The following BCL2L12 variants were observed in gnomAD, a reference collection of about 807,000 sequenced individuals.
The protein encoded by BCL2L12 is BCL2 like 12, also known as bcl-2-like protein 12.
In BCL2L12, 27 loss-of-function variants were observed where a neutral mutation model predicts 25.7. That is an observed-to-expected ratio of 1.05 (90% CI 0.78 to 1.45). The LOEUF (loss-of-function observed/expected upper bound fraction) is 1.45. BCL2L12 is among the 40% of genes most tolerant of loss of function. The pLI is 0.00. For synonymous variants in BCL2L12, 132 were observed against 145.6 expected, an observed-to-expected ratio of 0.91 and a Z score of 0.67; for missense variants, 302 against 329.8, an observed-to-expected ratio of 0.92 and a Z score of 0.65.
In BCL2L12 at chr19:49,670,407, C is replaced by T; in HGVS notation, c.621C>T (p.Ala207=). ...ALAMELSRRV[A]GLGGTLAGLS... is the part of the protein sequence containing the mutation. ...CCATGGAGCTGAGCCGGCGCGTGGC[C>T]GGGCTGGGGGGCACCCTGGCCGGAC... is the stretch of plus-strand genomic sequence containing the variant. Residue 207 remains alanine, a synonymous_variant, in exon 6 of 7, where the codon GCC becomes GCT. Coordinates refer to ENST00000246784, the MANE Select transcript of BCL2L12 (RefSeq NM_138639.2). 13 of 1,546,188 alleles carry T rather than the reference C, an allele frequency of 8.4e-6. No individual in the cohort carries two copies. Among genetic ancestry groups the T allele is most frequent in the Non-Finnish European group, 1.1e-5 (13 of 1,149,660 alleles).
At chr19:49,670,193 A>G (rs1392022624) in intron 5 of BCL2L12, 23 bp from the exon 6 acceptor site, 15 of 1,595,480 alleles carry the variant, frequency 9.4e-6, no homozygotes, top group African/African-American at 2.7e-5. Context: ...GCTGACGCGG[A>G]CCCTGCCTCT....
At chr19:49,666,860 C>T in intron 2 of BCL2L12, 61 bp downstream of exon 2, 1 of 1,521,800 alleles carries the variant, frequency 6.6e-7, no homozygotes, top group Non-Finnish European at 8.9e-7. Context: ...CTAACTCTTG[C>T]TCCTGGTCTC....
At chr19:49,665,622 C>T, upstream of BCL2L12, 5 of 643,574 alleles carry the variant, frequency 7.8e-6, no homozygotes, top group East Asian at 2.8e-5. Flanking sequence ...CCGGGCTCTT[C>T]CGCGTTACCT....
At chr19:49,668,812 AAT>A in intron 3 of BCL2L12, 37 bp from the exon 4 acceptor site, 1 of 1,569,702 alleles carries the variant, frequency 6.4e-7, no homozygotes, top group East Asian at 2.3e-5. Flanking sequence ...GTAAGTTTCC[AAT>A]GTCCTGGAAA....
At chr19:49,665,684 G>A (rs998053490), upstream of BCL2L12, 10 of 1,198,436 alleles carry the variant, frequency 8.3e-6, no homozygotes, top group Non-Finnish European at 1.2e-5. Flanking sequence ...CTGTCTTGGA[G>A]CTCCGGGTAG....
At chr19:49,670,614 C>A in intron 6 of BCL2L12, 126 bp downstream of exon 6, 1 of 1,297,528 alleles carries the variant, frequency 7.7e-7, no homozygotes, top group Non-Finnish European at 1.0e-6. Context: ...TGCGTTCGTT[C>A]TGTTGAGCCC....
chr19:49,665,859 C>T (rs148875442), upstream of BCL2L12: 2 of 1,608,714 alleles, frequency 1.2e-6, no homozygotes, highest in Non-Finnish European at 1.7e-6. Context: ...CGCCCCTATG[C>T]CCTTTTTTGG....
chr19:49,668,968 G>A, intron 4 of BCL2L12, 31 bp downstream of exon 4: 2 of 1,613,942 alleles, frequency 1.2e-6, no homozygotes, highest in Non-Finnish European at 8.5e-7. Flanking sequence ...AGAGAAGGAT[G>A]GCGGTGGGAG....
rs1409860335 is a variant in BCL2L12 at position 49,669,072 on chromosome 19, T to C, written c.386T>C (p.Leu129Pro). The C allele has an allele frequency of 6.2e-7, 1 of 1,614,030 alleles. No individual in the cohort carries two copies. Among genetic ancestry groups the C allele is most frequent in the African/African-American group, 1.3e-5 (1 of 74,928 alleles). The change falls in exon 5 of 7, where the codon CTG becomes CCG. Residue 129 changes from leucine to proline, a missense_variant. Physicochemically the swap from Leu to Pro is moderately conservative, Grantham distance 98. Transcript: ENST00000246784. The part of the protein sequence containing the change: ...STEKEAILRR[L>P]VALLEEEAEV... Reference sequence around the variant, plus strand: ...GAGAAGGAAGCCATACTGCGGAGGCTGGTGGCCCTGCTGGAGGAGGAGGCA... The same window carrying C: ...GAGAAGGAAGCCATACTGCGGAGGCCGGTGGCCCTGCTGGAGGAGGAGGCA...
chr19:49,670,607 G>A (rs2122860822), intron 6 of BCL2L12, 119 bp downstream of exon 6: 1 of 1,346,400 alleles, frequency 7.4e-7, no homozygotes, highest in East Asian at 2.5e-5. Flanking sequence ...GCTCCACTGC[G>A]TTCGTTCTGT....
rs1052207246 is a variant in BCL2L12 at position 49,672,157 on chromosome 19, G to A, written c.703-1541G>A. 2 of 152,404 alleles carry A rather than the reference G, an allele frequency of 1.3e-5. No individual in the cohort carries two copies. Among genetic ancestry groups the A allele is most frequent in the African/African-American group, 4.8e-5 (2 of 41,430 alleles). The allele number at this position is 152,404 out of a possible 1,614,324, so 9.4% of individuals were successfully genotyped here. ...TCCAGCGTGCTGGCCCTGTGGCTTGGCGACTGTCGCAGTCTCCCTGAGCGG... is the reference window on the plus strand; with the variant it reads ...TCCAGCGTGCTGGCCCTGTGGCTTGACGACTGTCGCAGTCTCCCTGAGCGG... On this transcript the variant is annotated intron_variant, in intron 6 of 6. Transcript: ENST00000246784. This position sits in a 1 kb window ranked among gnomAD's most constrained non-coding sequence, Gnocchi z 4.1.
In BCL2L12 at chr19:49,672,937, G is replaced by C. The variant is rs924488915; in HGVS notation, c.703-761G>C. 4.6e-5 allele frequency among the ~76,000 whole-genome samples: 7 copies of C among 152,134 alleles called. No homozygotes were observed. The highest frequency in any genetic ancestry group is 1.7e-4 in the African/African-American group (7 of 41,410). On this transcript the variant is annotated intron_variant, in intron 6 of 6. Coordinates refer to ENST00000246784, the MANE Select transcript of BCL2L12 (RefSeq NM_138639.2). The surrounding 1 kb of genome is among the most constrained non-coding windows in gnomAD (Gnocchi z 4.1). ...GACTGGAGTGCAGTGGCACGACCTT[G>C]GCTCACTGCAACCTCCACCTCCTGG...
At chr19:49,666,883 C>T (rs2081797166) in intron 2 of BCL2L12, 84 bp downstream of exon 2, 4 of 1,513,582 alleles carry the variant, frequency 2.6e-6, no homozygotes, top group South Asian at 2.5e-5. Context: ...TCTGTCTCCT[C>T]TCTTTATATC....
chr19:49,668,815 G>A (rs1215204670), intron 3 of BCL2L12, 36 bp from the exon 4 acceptor site: 2 of 1,577,452 alleles, frequency 1.3e-6, no homozygotes, highest in South Asian at 1.1e-5. Context: ...AGTTTCCAAT[G>A]TCCTGGAAAC....
chr19:49,667,102 C>T lies in BCL2L12; in HGVS notation c.191C>T (p.Pro64Leu), dbSNP rs1568474665. 6.2e-7 allele frequency: 1 copy of T among 1,614,050 alleles called. No homozygotes were observed. Among genetic ancestry groups the T allele is most frequent in the Non-Finnish European group, 8.5e-7 (1 of 1,180,014 alleles). ...LPCSLGRGAAPSESPRPCSLP... is the reference protein window; with the variant it reads ...LPCSLGRGAALSESPRPCSLP... ...TGCTCCCTGGGGCGAGGAGCAGCCC[C>T]CTCTGAGTCCCCTCGGCCTTGCTCT... Residue 64 changes from proline (P) to leucine (L), a missense_variant, in exon 3 of 7, where the codon CCC becomes CTC. Physicochemically the swap from Pro to Leu is moderately conservative, Grantham distance 98. Coordinates refer to ENST00000246784, the MANE Select transcript of BCL2L12 (RefSeq NM_138639.2).
intron 1 of BCL2L12, 130 bp downstream of exon 1, chr19:49,666,197 G>A (rs1307768116): frequency 5.5e-6 from 7 of 1,274,340 alleles, no homozygotes; most frequent in Non-Finnish European, 6.3e-6. Flanking sequence ...AGCAGGGGTC[G>A]GAGATTTGGA....
chr19:49,671,904 T>G (rs748152470), intron 6 of BCL2L12, among the ~76,000 whole-genome samples: 1 of 152,188 alleles, frequency 6.6e-6, no homozygotes, highest in Non-Finnish European at 1.5e-5. Context: ...CACAGCCACC[T>G]GCACACCCTC....
rs2081929113 is a variant in BCL2L12, at chr19:49,670,248, GGTC to G, written c.463_465del (p.Val155del). ...CGGACCCCGCCCTGCGCAGCAAGCTGGTCCGCCTGTCCTCCGACTCTTTCGCCC... is the reference window on the plus strand; with the variant it reads ...CGGACCCCGCCCTGCGCAGCAAGCTGCGCCTGTCCTCCGACTCTTTCGCCC... On this transcript the variant is annotated inframe_deletion, in exon 6 of 7. Coordinates refer to ENST00000246784, the MANE Select transcript of BCL2L12 (RefSeq NM_138639.2). The G allele has an allele frequency of 6.8e-6, 11 of 1,609,158 alleles. No individual in the cohort carries two copies. The highest frequency in any genetic ancestry group is 9.3e-6 in the Non-Finnish European group (11 of 1,179,634).
In BCL2L12 at chr19:49,672,941, C is replaced by T. The variant is rs1403501370; in HGVS notation, c.703-757C>T. Among the ~76,000 whole-genome samples, 1 of 152,184 alleles carries T rather than the reference C, an allele frequency of 6.6e-6. No individual in the cohort carries two copies. Among genetic ancestry groups the T allele is most frequent in the African/African-American group, 2.4e-5 (1 of 41,452 alleles). On this transcript the variant is annotated intron_variant, in intron 6 of 6. Coordinates refer to ENST00000246784, the MANE Select transcript of BCL2L12 (RefSeq NM_138639.2). This position sits in a 1 kb window ranked among gnomAD's most constrained non-coding sequence, Gnocchi z 4.1. ...GGAGTGCAGTGGCACGACCTTGGCT[C>T]ACTGCAACCTCCACCTCCTGGGTTC...
Sources: gnomAD v4.1 joint callset for allele counts (sites outside exome capture counted in the v4.1 genomes callset) on GRCh38, gnomAD v4.1.1 for gene constraint, Gnocchi (gnomAD v3.1) non-coding constraint, MANE v1.5 for transcripts, NCBI Gene and HGNC (gene_info 2026-07-23, HGNC 2026-07-21) for gene names.